Variants in SYT17 observed in about 807,000 individuals in gnomAD.
SYT17 encodes synaptotagmin-17.
A neutral mutation model predicts 46.7 loss-of-function variants in SYT17; 22 were observed. The observed-to-expected ratio is 0.47, with a 90% confidence interval of 0.34 to 0.67. SYT17 has a LOEUF of 0.67. Among genes scored for constraint, SYT17 ranks in the 30% least tolerant of loss-of-function variants. The pLI, the probability that SYT17 is intolerant of heterozygous loss-of-function variation, is 0.01. For synonymous variants in SYT17, 251 were observed against 248.4 expected, an observed-to-expected ratio of 1.01 and a Z score of -0.10; for missense variants, 519 against 612.8, an observed-to-expected ratio of 0.85 and a Z score of 1.62.
chr16:19,248,733 A>G (rs1472597033), intron 7 of SYT17, among the ~76,000 whole-genome samples: 1 of 151,874 alleles, frequency 6.6e-6, no homozygotes, highest in African/African-American at 2.4e-5. Flanking sequence ...GAGGCAGGAG[A>G]ATCACTTGAA....
At chr16:19,216,213 C>T (rs111271337) in intron 5 of SYT17, among the ~76,000 whole-genome samples, 1 of 152,160 alleles carries the variant, frequency 6.6e-6, no homozygotes, top group African/African-American at 2.4e-5. Context: ...GGGCACCCTT[C>T]CCTGCAATAT....
At chr16:19,212,124 T>G (rs1040443171) in intron 5 of SYT17, among the ~76,000 whole-genome samples, 3 of 152,128 alleles carry the variant, frequency 2.0e-5, no homozygotes, top group Non-Finnish European at 4.4e-5. Context: ...ATTCTGAGAC[T>G]TTACCACTGG....
At chr16:19,251,625 A>G (rs1968076166) in intron 7 of SYT17, among the ~76,000 whole-genome samples, 1 of 152,134 alleles carries the variant, frequency 6.6e-6, no homozygotes, top group Admixed American at 6.5e-5. Context: ...CTTAGGGCCC[A>G]TGGGAAGTGA....
intron 3 of SYT17, chr16:19,180,068 C>A (rs563328180): frequency 3.2e-5 from 9 of 285,368 alleles, no homozygotes; most frequent in African/African-American, 4.3e-5. Context: ...AGGTCTCGGG[C>A]TTCACTGAGC....
chr16:19,238,354 G>A (rs1966877651), intron 7 of SYT17, among the ~76,000 whole-genome samples: 1 of 152,234 alleles, frequency 6.6e-6, no homozygotes, highest in Non-Finnish European at 1.5e-5. Flanking sequence ...GTTGATTGTG[G>A]TGTTGAACCT....
chr16:19,173,473 C>T lies in SYT17; in HGVS notation c.77C>T (p.Thr26Ile). ...TCTGGTCTGCTGCTGTGCAGATGGA[C>T]CTGCCGGCACTGCTGTCAGAAGTGC... ...RISGLLLCRWTCRHCCQKCYE... is the reference protein window; with the variant it reads ...RISGLLLCRWICRHCCQKCYE... The change falls in exon 3 of 8, where the codon ACC becomes ATC. Residue 26 changes from threonine (T) to isoleucine (I), a missense_variant. Transcript: ENST00000355377. 4.4e-6 allele frequency: 7 copies of T among 1,584,838 alleles called. No homozygotes were observed. Among genetic ancestry groups the T allele is most frequent in the Non-Finnish European group, 5.2e-6 (6 of 1,163,090 alleles).
chr16:19,195,117 G>T (rs1596928113), intron 5 of SYT17, among the ~76,000 whole-genome samples: 1 of 152,220 alleles, frequency 6.6e-6, no homozygotes, highest in East Asian at 1.9e-4. Flanking sequence ...ATCTGGGGGA[G>T]CACTGTGAGG....
intron 4 of SYT17, among the ~76,000 whole-genome samples, chr16:19,181,245 C>T (rs1053006179): frequency 6.6e-6 from 1 of 152,122 alleles, no homozygotes; most frequent in African/African-American, 2.4e-5. Flanking sequence ...TGTTGTGTGG[C>T]GTATGTGTTT....
At chr16:19,194,097 C>T (rs142545445) in intron 5 of SYT17, among the ~76,000 whole-genome samples, 1,541 of 152,276 alleles carry the variant, frequency 0.01, 20 homozygotes, top group South Asian at 0.024. Context: ...TTCCCCTTTC[C>T]TCTGATCAGG....
At chr16:19,250,679 TGCTGGGATTACAG>T (rs1967994844) in intron 7 of SYT17, among the ~76,000 whole-genome samples, 1 of 152,046 alleles carries the variant, frequency 6.6e-6, no homozygotes. Context: ...CCTCCCACAG[TGCTGGGATTACAG>T]GCGTGAACCA....
At chr16:19,220,351 G>A (rs539359252) in intron 5 of SYT17, among the ~76,000 whole-genome samples, 10 of 131,682 alleles carry the variant, frequency 7.6e-5, no homozygotes, top group South Asian at 2.4e-4. Context: ...TGCCTGGGCT[G>A]CAGTGCAGTG....
intron 3 of SYT17, among the ~76,000 whole-genome samples, chr16:19,174,229 C>T (rs940730398): frequency 1.3e-5 from 2 of 152,216 alleles, no homozygotes; most frequent in African/African-American, 4.8e-5. Flanking sequence ...TCTCCATCTG[C>T]CAGTCGCTCA....
chr16:19,250,010 C>A (rs62025406), intron 7 of SYT17: 1 of 1,535,610 alleles, frequency 6.5e-7, no homozygotes. Flanking sequence ...CCTTGGATAC[C>A]CTCACCTGGA....
chr16:19,249,014 C>T (rs913538452), intron 7 of SYT17, among the ~76,000 whole-genome samples: 2 of 152,138 alleles, frequency 1.3e-5, no homozygotes, highest in Non-Finnish European at 2.9e-5. Flanking sequence ...GTGGCTCACG[C>T]CTGTAATCCC....
intron 7 of SYT17, chr16:19,249,916 T>G (rs949864500): frequency 1.3e-6 from 2 of 1,534,190 alleles, no homozygotes; most frequent in Non-Finnish European, 1.7e-6. Context: ...CCCAGCAGAT[T>G]CACCAAGTCC....
chr16:19,243,735 T>C (rs1967308179), intron 7 of SYT17, among the ~76,000 whole-genome samples: 1 of 148,336 alleles, frequency 6.7e-6, no homozygotes, highest in African/African-American at 2.5e-5. Context: ...GGAGAATCAC[T>C]TGAATCTGGG....
chr16:19,229,836 A>G (rs917565326), intron 7 of SYT17, among the ~76,000 whole-genome samples: 9 of 152,226 alleles, frequency 5.9e-5, no homozygotes, highest in African/African-American at 2.2e-4. Flanking sequence ...TAAATGGGTA[A>G]ACAAAGTGGT....
In SYT17 at chr16:19,173,027, C is replaced by T. The variant is rs568450299; in HGVS notation, c.33+250C>T. On this transcript the variant is annotated intron_variant, in intron 2 of 7. Transcript: ENST00000355377. Reference sequence around the variant, plus strand: ...ATTATCTCTGTCTGTTTCATGTCACCGAGATTTTTTAAAAATATTTTTTCC... The same window carrying T: ...ATTATCTCTGTCTGTTTCATGTCACTGAGATTTTTTAAAAATATTTTTTCC... 61 of 579,208 alleles carry T rather than the reference C, an allele frequency of 1.1e-4. No individual in the cohort carries two copies. The East Asian group carries it at 1.3e-3, about 13-fold the overall frequency. The allele number at this position is 579,208 out of a possible 1,614,324, so 35.9% of individuals were successfully genotyped here. A position where few individuals can be genotyped will look rare whatever the true frequency, so the allele number is the denominator to read the frequency against.
chr16:19,243,819 CAAAAAAAAAA>C (rs760219447), intron 7 of SYT17, among the ~76,000 whole-genome samples: 24 of 56,920 alleles, frequency 4.2e-4, no homozygotes, highest in African/African-American at 1.2e-3. Flanking sequence ...AAAACTCCAT[CAAAAAAAAAA>C]AAAAAAAAAA....
Sources: gnomAD v4.1 joint callset for allele counts (sites outside exome capture counted in the v4.1 genomes callset) on GRCh38, gnomAD v4.1.1 for gene constraint, MANE v1.5 for transcripts, NCBI Gene and HGNC (gene_info 2026-07-23, HGNC 2026-07-21) for gene names.